JAKMIP1: variants seen among roughly 807,000 people sequenced by gnomAD.
JAKMIP1 encodes the protein janus kinase and microtubule interacting protein 1, also known as janus kinase and microtubule-interacting protein 1.
A neutral mutation model predicts 113.0 loss-of-function variants in JAKMIP1; 33 were observed. The ratio of observed to expected loss-of-function variants is 0.29; its 90% confidence interval spans 0.22 to 0.39. The LOEUF (loss-of-function observed/expected upper bound fraction) is 0.39. JAKMIP1 is among the 10% of genes least tolerant of loss of function. JAKMIP1 has a pLI of 1.00. For missense variants in JAKMIP1, 813 were observed against 1,080.5 expected (o/e 0.75, Z 3.47); for synonymous variants, 480 against 459.9 (o/e 1.04, Z -0.56).
chr4:6,062,338 T>C lies in JAKMIP1; in HGVS notation c.1534A>G (p.Thr512Ala). ...YALLQEQVGGTLDAEREARTR... is the reference protein window; with the variant it reads ...YALLQEQVGGALDAEREARTR... The stretch of plus-strand genomic sequence containing the variant: ...CGGGCCTCCCTCTCAGCGTCCAGCG[T>C]GCCTCCCACCTGCTCCTGGAGCAGG... Residue 512 changes from threonine (T) to alanine (A), a missense_variant, in exon 10 of 21, where the codon ACG becomes GCG. Coordinates refer to ENST00000409021, the MANE Select transcript of JAKMIP1 (RefSeq NM_001099433.2). 1 of 1,613,304 alleles carries C rather than the reference T, an allele frequency of 6.2e-7. No individual in the cohort carries two copies. The highest frequency in any genetic ancestry group is 8.5e-7 in the Non-Finnish European group (1 of 1,179,974).
chr4:6,067,434 G>A lies in JAKMIP1; in HGVS notation c.1303-2426C>T, dbSNP rs1400124495. On this transcript the variant is annotated intron_variant, in intron 8 of 20. Coordinates refer to ENST00000409021, the MANE Select transcript of JAKMIP1 (RefSeq NM_001099433.2). The surrounding 1 kb of genome is among the most constrained non-coding windows in gnomAD (Gnocchi z 4.6). ...TGTCATTTCTCTCCTTGCAGAGGCT[G>A]GAGACAATCATCTACTCAAATCTCC... Among the ~76,000 whole-genome samples, 1 of 152,132 alleles carries A rather than the reference G, an allele frequency of 6.6e-6. No individual in the cohort carries two copies. Among genetic ancestry groups the A allele is most frequent in the African/African-American group, 2.4e-5 (1 of 41,422 alleles).
rs1394626922 is a variant in JAKMIP1 at position 6,108,857 on chromosome 4, T to G, written c.130-2890A>C. On this transcript the variant is annotated intron_variant, in intron 2 of 20. Transcript: ENST00000409021. The surrounding 1 kb of genome is among the most constrained non-coding windows in gnomAD (Gnocchi z 5.6). ...TGCGTCTTGGGACATCTGTAAGAAC[T>G]CATGTTTGACTTTGTATGGATATAG... Among the ~76,000 whole-genome samples, 2 of 152,246 alleles carry G rather than the reference T, an allele frequency of 1.3e-5. No homozygotes were observed. Among genetic ancestry groups the G allele is most frequent in the Admixed American group, 1.3e-4 (2 of 15,292 alleles).
intron 18 of JAKMIP1, among the ~76,000 whole-genome samples, chr4:6,036,419 A>C (rs573169354): frequency 2.6e-5 from 4 of 152,368 alleles, no homozygotes; most frequent in African/African-American, 9.6e-5. Flanking sequence ...CAGAGGTGCA[A>C]TTCACCTGGG....
At position 6,140,485 on chromosome 4, in the gene JAKMIP1, G is replaced by C. The variant is rs1408866909; in HGVS notation, c.-147-27488C>G. Reference sequence around the variant, plus strand: ...CAACACTGGGGGTCAGTGATTCGTGGTCCCCCCGATCAGCTTAAGGCCCCT... The same window carrying C: ...CAACACTGGGGGTCAGTGATTCGTGCTCCCCCCGATCAGCTTAAGGCCCCT... On this transcript the variant is annotated intron_variant, in intron 1 of 20. Transcript: ENST00000409021. The surrounding 1 kb of genome is among the most constrained non-coding windows in gnomAD (Gnocchi z 9.4). Among the ~76,000 whole-genome samples, 1 of 152,014 alleles carries C rather than the reference G, an allele frequency of 6.6e-6. No homozygotes were observed. The highest frequency in any genetic ancestry group is 2.4e-5 in the African/African-American group (1 of 41,322).
intron 19 of JAKMIP1, among the ~76,000 whole-genome samples, chr4:6,034,695 A>G (rs1376927555): frequency 6.6e-6 from 1 of 152,132 alleles, no homozygotes; most frequent in Non-Finnish European, 1.5e-5. Context: ...TCAGCTACTC[A>G]GGTGGCTGAG....
At chr4:6,030,550 C>T (rs1712489074) in intron 19 of JAKMIP1, among the ~76,000 whole-genome samples, 1 of 152,182 alleles carries the variant, frequency 6.6e-6, no homozygotes, top group Admixed American at 6.5e-5. Flanking sequence ...GTTTCCAGAT[C>T]TTCATGTGCT....
At chr4:6,134,695 G>A (rs112360444) in intron 1 of JAKMIP1, among the ~76,000 whole-genome samples, 11 of 152,332 alleles carry the variant, frequency 7.2e-5, no homozygotes, top group African/African-American at 2.4e-4. Flanking sequence ...CTGGCTCGGT[G>A]TCTGCCAGAA....
rs1241997566 is a variant in JAKMIP1 at position 6,141,675 on chromosome 4, C to T, written c.-147-28678G>A. ...CCATCTTAACTTGCCGGTAGCTGGC[C>T]CAGCCCTGGTCCACAGAAGCCAGGT... On this transcript the variant is annotated intron_variant, in intron 1 of 20. Coordinates refer to ENST00000409021, the MANE Select transcript of JAKMIP1 (RefSeq NM_001099433.2). The surrounding 1 kb of genome is among the most constrained non-coding windows in gnomAD (Gnocchi z 9.4). Among the ~76,000 whole-genome samples, 1 of 152,158 alleles carries T rather than the reference C, an allele frequency of 6.6e-6. No homozygotes were observed. The highest frequency in any genetic ancestry group is 1.5e-5 in the Non-Finnish European group (1 of 68,030).
intron 8 of JAKMIP1, among the ~76,000 whole-genome samples, chr4:6,077,507 G>C (rs62284785): frequency 4.0e-5 from 4 of 99,014 alleles, no homozygotes; most frequent in Non-Finnish European, 7.7e-5. Flanking sequence ...TTTTTTTTGA[G>C]ACAGGGTCTT....
chr4:6,078,941 T>G lies in JAKMIP1; in HGVS notation c.1300A>C (p.Lys434Gln). Reference sequence around the variant, plus strand: ...CAGGTGCACCATCGCAGGCTCACCTTGGGCGGTTTCAGACTTTTCCCTCGA... The same window carrying G: ...CAGGTGCACCATCGCAGGCTCACCTGGGGCGGTTTCAGACTTTTCCCTCGA... ...RHRGKSLKPP[K>Q]KHVVETFFGF... The change falls in exon 8 of 21, where the codon AAG (lysine) becomes CAG (glutamine). Residue 434 changes from lysine to glutamine, a missense_variant and splice_region_variant. This residue lies in a region of JAKMIP1 where 540 missense variants were observed against 653.9 expected (regional missense o/e 0.83). Coordinates refer to ENST00000409021, the MANE Select transcript of JAKMIP1 (RefSeq NM_001099433.2). The G allele has an allele frequency of 6.2e-7, 1 of 1,614,206 alleles. No homozygotes were observed. Among genetic ancestry groups the G allele is most frequent in the Admixed American group, 1.7e-5 (1 of 60,030 alleles).
At chr4:6,078,846 C>T in intron 8 of JAKMIP1, 93 bp downstream of exon 8, 1 of 1,170,630 alleles carries the variant, frequency 8.5e-7, no homozygotes, top group Non-Finnish European at 1.3e-6. Context: ...GCTTCAGGAC[C>T]CCTCTGTAAA....
chr4:6,142,716 T>TG lies in JAKMIP1; in HGVS notation c.-147-29720dup, dbSNP rs1720336262. 6.6e-6 allele frequency among the ~76,000 whole-genome samples: 1 copy of TG among 152,114 alleles called. No individual in the cohort carries two copies. Among genetic ancestry groups the TG allele is most frequent in the Non-Finnish European group, 1.5e-5 (1 of 68,014 alleles). On this transcript the variant is annotated intron_variant, in intron 1 of 20. Coordinates refer to ENST00000409021, the MANE Select transcript of JAKMIP1 (RefSeq NM_001099433.2). This position sits in a 1 kb window ranked among gnomAD's most constrained non-coding sequence, Gnocchi z 5.5. ...GAGGTTTCCAGGAGATGGCAATGGATGGGGTGCTCTGGCCCCGGGGCCTGG... is the reference window on the plus strand; with the variant it reads ...GAGGTTTCCAGGAGATGGCAATGGATGGGGGTGCTCTGGCCCCGGGGCCTGG...
At chr4:6,073,883 A>G (rs1453222954) in intron 8 of JAKMIP1, among the ~76,000 whole-genome samples, 1 of 152,238 alleles carries the variant, frequency 6.6e-6, no homozygotes, top group East Asian at 1.9e-4. Flanking sequence ...CATTATGCAT[A>G]TGCTTAGAAC....
At chr4:6,160,838 CACCTCCCCTGACCAACTGACCTCCACTG>C (rs1722815725) in intron 1 of JAKMIP1, among the ~76,000 whole-genome samples, 2 of 151,634 alleles carry the variant, frequency 1.3e-5, no homozygotes, top group East Asian at 1.9e-4. Flanking sequence ...GACCTCCACT[CACCTCCCCTGACCAACTGACCTCCACTG>C]ACCTCCCCGA....
intron 7 of JAKMIP1, among the ~76,000 whole-genome samples, chr4:6,079,423 C>A (rs1720186166): frequency 6.6e-6 from 1 of 152,020 alleles, no homozygotes; most frequent in South Asian, 2.1e-4. Context: ...GAGATGGAGG[C>A]AGGCAAAATG....
At chr4:6,119,693 T>C (rs900831760) in intron 1 of JAKMIP1, among the ~76,000 whole-genome samples, 10 of 151,956 alleles carry the variant, frequency 6.6e-5, no homozygotes, top group African/African-American at 2.4e-4. Flanking sequence ...TGTGATCTCA[T>C]CAAGAAACCA....
rs1375454932 is a variant in JAKMIP1 at position 6,098,550 on chromosome 4, G to A, written c.624+6923C>T. On this transcript the variant is annotated intron_variant, in intron 3 of 20. Coordinates refer to ENST00000409021, the MANE Select transcript of JAKMIP1 (RefSeq NM_001099433.2). Reference sequence around the variant, plus strand: ...AGAGAGAGAGAGAGAGAAAGAAAAAGAAAGAAAGAAAGAAAGAAAGAAAGA... The same window carrying A: ...AGAGAGAGAGAGAGAGAAAGAAAAAAAAAGAAAGAAAGAAAGAAAGAAAGA... Among the ~76,000 whole-genome samples, 27 of 8,662 alleles carry A rather than the reference G, an allele frequency of 3.1e-3. No individual in the cohort carries two copies. In the Non-Finnish European group the frequency reaches 0.051, roughly 16 times the overall value. The allele number at this position is 8,662 out of a possible 152,430, so 5.7% of individuals were successfully genotyped here.
At chr4:6,066,484 C>T (rs1197933589) in intron 8 of JAKMIP1, among the ~76,000 whole-genome samples, 1 of 152,134 alleles carries the variant, frequency 6.6e-6, no homozygotes, top group African/African-American at 2.4e-5. Flanking sequence ...ACGACTCTCC[C>T]CCGAACTCCA....
intron 1 of JAKMIP1, among the ~76,000 whole-genome samples, chr4:6,164,269 G>C (rs777690801): frequency 6.6e-6 from 1 of 152,182 alleles, no homozygotes; most frequent in Non-Finnish European, 1.5e-5. Context: ...TTCCCATTAG[G>C]AGATCCTAGG....
Sources: gnomAD v4.1 joint callset for allele counts (sites outside exome capture counted in the v4.1 genomes callset) on GRCh38, gnomAD v4.1.1 for gene constraint, gnomAD v4.1.1 regional missense constraint, Gnocchi (gnomAD v3.1) non-coding constraint, MANE v1.5 for transcripts, NCBI Gene and HGNC (gene_info 2026-07-23, HGNC 2026-07-21) for gene names.